Variants in LRRC4C observed in about 807,000 individuals in gnomAD.
LRRC4C encodes leucine-rich repeat-containing protein 4C.
A neutral mutation model predicts 33.6 loss-of-function variants in LRRC4C; 5 were observed. The ratio of observed to expected loss-of-function variants is 0.15; its 90% confidence interval spans 0.08 to 0.31. The LOEUF is 0.31. LRRC4C is among the 10% of genes least tolerant of loss of function. LRRC4C has a pLI of 1.00. For missense variants in LRRC4C, 560 were observed against 796.7 expected (o/e 0.70, Z 3.58); for synonymous variants, 329 against 302.0 (o/e 1.09, Z -0.93).
chr11:40,408,639 A>G (rs1011644197), intron 3 of LRRC4C, among the ~76,000 whole-genome samples: 1 of 151,956 alleles, frequency 6.6e-6, no homozygotes, highest in Non-Finnish European at 1.5e-5. Context: ...GCCTGTTTTT[A>G]TATGCCCCAA....
intron 1 of LRRC4C, among the ~76,000 whole-genome samples, chr11:41,001,425 A>G (rs1269733485): frequency 6.6e-6 from 1 of 152,140 alleles, no homozygotes; most frequent in African/African-American, 2.4e-5. Flanking sequence ...TAAACATCTT[A>G]TCTTCTTAAG....
intron 1 of LRRC4C, among the ~76,000 whole-genome samples, chr11:41,425,404 G>A (rs945641791): frequency 6.6e-6 from 1 of 152,020 alleles, no homozygotes; most frequent in Non-Finnish European, 1.5e-5. Flanking sequence ...GACAAATACG[G>A]GGATGAATTA....
At chr11:40,494,904 T>C (rs1954350389) in intron 3 of LRRC4C, among the ~76,000 whole-genome samples, 1 of 152,222 alleles carries the variant, frequency 6.6e-6, no homozygotes, top group Non-Finnish European at 1.5e-5. Context: ...TTGGATATTA[T>C]CTAAATGTTG....
At chr11:41,129,838 C>T (rs975269803) in intron 1 of LRRC4C, among the ~76,000 whole-genome samples, 2 of 151,910 alleles carry the variant, frequency 1.3e-5, no homozygotes, top group Non-Finnish European at 2.9e-5. Context: ...TTTCTCCCCA[C>T]ATGTGTTTAA....
intron 3 of LRRC4C, among the ~76,000 whole-genome samples, chr11:40,458,332 A>G (rs944493781): frequency 1.1e-4 from 17 of 152,190 alleles, no homozygotes; most frequent in Admixed American, 3.9e-4. Context: ...ATGCCTATCT[A>G]TATAAACCCT....
At chr11:40,332,269 T>G (rs1565281956) in intron 3 of LRRC4C, among the ~76,000 whole-genome samples, 1 of 152,202 alleles carries the variant, frequency 6.6e-6, no homozygotes, top group Non-Finnish European at 1.5e-5. Context: ...TCCTTGTCTC[T>G]TCTTGCTTTT....
At chr11:40,625,904 C>T (rs951556774) in intron 3 of LRRC4C, among the ~76,000 whole-genome samples, 3 of 152,144 alleles carry the variant, frequency 2.0e-5, no homozygotes, top group African/African-American at 7.2e-5. Context: ...AGGAGACCTT[C>T]CTCTTCCTCT....
At chr11:40,491,464 T>C (rs1376267385) in intron 3 of LRRC4C, among the ~76,000 whole-genome samples, 3 of 152,184 alleles carry the variant, frequency 2.0e-5, no homozygotes, top group Non-Finnish European at 4.4e-5. Flanking sequence ...GTCAAGGTGT[T>C]GGCTAGGGAT....
intron 6 of LRRC4C, among the ~76,000 whole-genome samples, chr11:40,121,225 C>T (rs1855803879): frequency 6.6e-6 from 1 of 152,138 alleles, no homozygotes; most frequent in South Asian, 2.1e-4. Context: ...TCTATTCTTT[C>T]TTACTCTCCG....
intron 1 of LRRC4C, among the ~76,000 whole-genome samples, chr11:41,336,571 C>A (rs959909183): frequency 3.3e-5 from 5 of 152,206 alleles, no homozygotes; most frequent in African/African-American, 1.2e-4. Context: ...GATTTCTGCA[C>A]TGGTCCTCTA....
At chr11:40,833,842 T>A (rs1332866365) in intron 2 of LRRC4C, among the ~76,000 whole-genome samples, 5 of 152,186 alleles carry the variant, frequency 3.3e-5, no homozygotes, top group Admixed American at 1.3e-4. Context: ...ATATTAATTT[T>A]AAAAAACTGA....
intron 2 of LRRC4C, among the ~76,000 whole-genome samples, chr11:40,801,031 G>T (rs148401696): frequency 6.6e-6 from 1 of 151,960 alleles, no homozygotes; most frequent in Non-Finnish European, 1.5e-5. Flanking sequence ...ATTCACCCAC[G>T]TTAATTATAT....
At chr11:41,217,236 A>T (rs1275262973) in intron 1 of LRRC4C, among the ~76,000 whole-genome samples, 1 of 152,196 alleles carries the variant, frequency 6.6e-6, no homozygotes, top group Non-Finnish European at 1.5e-5. Flanking sequence ...ACTAACTTAA[A>T]ATGGAACACT....
At chr11:41,092,298 C>T (rs998881723) in intron 1 of LRRC4C, among the ~76,000 whole-genome samples, 7 of 152,072 alleles carry the variant, frequency 4.6e-5, no homozygotes, top group Non-Finnish European at 7.4e-5. Context: ...AGGAAGTAGA[C>T]GATGAGAAAG....
At chr11:41,359,328 A>T (rs1952267699) in intron 1 of LRRC4C, among the ~76,000 whole-genome samples, 1 of 152,142 alleles carries the variant, frequency 6.6e-6, no homozygotes, top group African/African-American at 2.4e-5. Context: ...AGTGAACTCT[A>T]ATATAAACTA....
At chr11:40,969,608 A>G (rs930403663) in intron 1 of LRRC4C, among the ~76,000 whole-genome samples, 5 of 152,220 alleles carry the variant, frequency 3.3e-5, no homozygotes, top group African/African-American at 1.2e-4. Flanking sequence ...TATCAATGCA[A>G]GAGTTCCAAC....
intron 4 of LRRC4C, among the ~76,000 whole-genome samples, chr11:40,297,501 C>G (rs182303653): frequency 2.9e-4 from 44 of 152,142 alleles, no homozygotes; most frequent in African/African-American, 9.4e-4. Flanking sequence ...TATTTTGGAA[C>G]TAGATGATAT....
intron 2 of LRRC4C, among the ~76,000 whole-genome samples, chr11:40,737,121 A>G (rs1947911435): frequency 6.6e-6 from 1 of 151,862 alleles, no homozygotes. Context: ...TATGGTTTTT[A>G]TGGTTTATCT....
intron 3 of LRRC4C, among the ~76,000 whole-genome samples, chr11:40,544,652 TCACCAAATAA>T (rs1209118908): frequency 6.6e-6 from 1 of 152,090 alleles, no homozygotes; most frequent in African/African-American, 2.4e-5. Context: ...TGGCAAAGAA[TCACCAAATAA>T]CACCACCAGA....
Sources: allele counts gnomAD v4.1 joint callset (sites outside exome capture counted in the v4.1 genomes callset), GRCh38; gene constraint gnomAD v4.1.1; transcripts MANE v1.5; gene names NCBI Gene and HGNC (gene_info 2026-07-23, HGNC 2026-07-21).